The following TUBD1 variants were observed in gnomAD, a reference collection of about 807,000 sequenced individuals.
The protein encoded by TUBD1 is tubulin delta chain.
In TUBD1, 38 loss-of-function variants were observed where a neutral mutation model predicts 51.2. The observed-to-expected ratio is 0.74, with a 90% CI of 0.57 to 0.97. The LOEUF (loss-of-function observed/expected upper bound fraction) is 0.97, where lower values mean the gene tolerates loss of function less well. Ranked by LOEUF, TUBD1 falls within the 50% of genes least tolerant of loss-of-function variation. TUBD1 has a pLI of 0.00. For missense variants in TUBD1, 489 were observed against 538.4 expected (o/e 0.91, Z 0.91); for synonymous variants, 169 against 178.2 (o/e 0.95, Z 0.41).
intron 3 of TUBD1, chr17:59,885,697 T>A (rs778352035): frequency 5.0e-6 from 3 of 602,690 alleles, no homozygotes; most frequent in African/African-American, 1.9e-5. Context: ...TCTCTCAAAG[T>A]GAGCCCTAGG....
intron 2 of TUBD1, chr17:59,886,701 G>A (rs2040751531): frequency 6.6e-6 from 1 of 150,706 alleles, no homozygotes; most frequent in South Asian, 2.1e-4. Flanking sequence ...TGCTTATGAT[G>A]TGCCATGGAC....
At chr17:59,868,978 C>T (rs1157698099) in intron 6 of TUBD1, among the ~76,000 whole-genome samples, 1 of 151,838 alleles carries the variant, frequency 6.6e-6, no homozygotes, top group East Asian at 1.9e-4. Context: ...GATTGCGCCA[C>T]TGCACTCCAG....
At chr17:59,890,609 G>C (rs961958194) in intron 2 of TUBD1, among the ~76,000 whole-genome samples, 4 of 152,226 alleles carry the variant, frequency 2.6e-5, no homozygotes, top group Non-Finnish European at 2.9e-5. Context: ...CCAGTCAATA[G>C]ATGAGTTTTG....
intron 1 of TUBD1, 86 bp from the exon 2 acceptor site, chr17:59,891,127 TA>T (rs894091601): frequency 6.8e-5 from 50 of 740,396 alleles, no homozygotes; most frequent in South Asian, 1.2e-4. Context: ...TATACATCAA[TA>T]AAAAGTCTTT....
intron 7 of TUBD1, among the ~76,000 whole-genome samples, chr17:59,866,218 TC>T (rs1454308266): frequency 6.7e-6 from 1 of 149,498 alleles, no homozygotes; most frequent in East Asian, 2.0e-4. Flanking sequence ...AGCCAGATGT[TC>T]AGAAAACAAT....
intron 8 of TUBD1, among the ~76,000 whole-genome samples, chr17:59,860,696 A>G (rs1458727665): frequency 3.3e-5 from 5 of 150,828 alleles, no homozygotes. Context: ...AAGCGATTCG[A>G]CTACCTCAGC....
chr17:59,892,906 C>T lies in TUBD1; in HGVS notation c.-249G>A, dbSNP rs1339325943. 1 of 460,840 alleles carries T rather than the reference C, an allele frequency of 2.2e-6. No individual in the cohort carries two copies. The highest frequency in any genetic ancestry group is 4.0e-6 in the Non-Finnish European group (1 of 253,098). 28.5% of individuals were successfully genotyped at this position (460,840 alleles called of 1,614,324 possible). A position where few individuals can be genotyped will look rare whatever the true frequency, so the allele number is the denominator to read the frequency against. ...ATTTACGAACTTCAGATATGGTACG[C>T]ATGCTCACTGTCCACCGAACGCTCC... On this transcript the variant is annotated 5_prime_UTR_variant, in exon 1 of 9. The change abolishes an upstream ATG in the 5' untranslated region. Transcript: ENST00000325752.
chr17:59,876,885 A>G (rs62081830), intron 5 of TUBD1, among the ~76,000 whole-genome samples: 1 of 149,596 alleles, frequency 6.7e-6, no homozygotes, highest in Non-Finnish European at 1.5e-5. Context: ...TTTTTTTTAA[A>G]TGGAGTCTCG....
chr17:59,860,711 C>T lies in TUBD1; in HGVS notation c.1260-287G>A, dbSNP rs556703454. Among the ~76,000 whole-genome samples, 248 of 151,846 alleles carry T rather than the reference C, an allele frequency of 1.6e-3. 1 individual carries two copies. The highest frequency in any genetic ancestry group is 2.4e-3 in the Non-Finnish European group (162 of 68,000). ...AAGCGATTCGACTACCTCAGCCTCC[C>T]GAGTAGCTGGGATTACAGGAACGTG... On this transcript the variant is annotated intron_variant, in intron 8 of 8. Transcript: ENST00000325752.
intron 5 of TUBD1, among the ~76,000 whole-genome samples, chr17:59,877,122 C>T (rs976322546): frequency 3.3e-5 from 5 of 151,876 alleles, no homozygotes; most frequent in Non-Finnish European, 7.4e-5. Flanking sequence ...AGCCTCCCAA[C>T]GTGCTGGGAT....
intron 7 of TUBD1, 124 bp downstream of exon 7, chr17:59,866,485 C>T: frequency 2.4e-6 from 3 of 1,257,270 alleles, no homozygotes; most frequent in Non-Finnish European, 3.3e-6. Flanking sequence ...CAAATTTTGC[C>T]ACTAAAACAC....
chr17:59,871,289 TCC>T (rs1208041436), intron 6 of TUBD1, among the ~76,000 whole-genome samples: 2 of 152,074 alleles, frequency 1.3e-5, no homozygotes, highest in African/African-American at 4.8e-5. Flanking sequence ...TCCCTCTGCC[TCC>T]CAAGTTCAAG....
At chr17:59,866,231 C>CTTTTT (rs544961480) in intron 7 of TUBD1, among the ~76,000 whole-genome samples, 1 of 132,144 alleles carries the variant, frequency 7.6e-6, no homozygotes, top group Non-Finnish European at 1.7e-5. Flanking sequence ...GAAAACAATT[C>CTTTTT]TTTTTTTTTT....
In TUBD1 at chr17:59,885,466, C is replaced by T. The variant is rs1330620886; in HGVS notation, c.320+617G>A. On this transcript the variant is annotated intron_variant, in intron 3 of 8. Coordinates refer to ENST00000325752, the MANE Select transcript of TUBD1 (RefSeq NM_016261.4). ...GTACCCTGTCTACCAGCCCGTGGGA[C>T]CAAAGCAGTATCCTTACAATAATCT... 2.5e-6 allele frequency: 4 copies of T among 1,569,042 alleles called. No individual in the cohort carries two copies. In the African/African-American group the frequency reaches 4.1e-5, roughly 16 times the overall value.
chr17:59,861,235 G>A (rs1240228783), intron 8 of TUBD1, among the ~76,000 whole-genome samples: 1 of 147,428 alleles, frequency 6.8e-6, no homozygotes, highest in Non-Finnish European at 1.5e-5. Context: ...CTCTGTCTCT[G>A]TCACCCAGGA....
At chr17:59,875,644 C>G (rs1480434210) in intron 5 of TUBD1, among the ~76,000 whole-genome samples, 1 of 151,518 alleles carries the variant, frequency 6.6e-6, no homozygotes, top group Admixed American at 6.6e-5. Flanking sequence ...CCTGTAATCC[C>G]AGCTACTTGG....
chr17:59,880,296 ATTTT>A (rs1256647839), intron 4 of TUBD1, among the ~76,000 whole-genome samples: 1 of 150,114 alleles, frequency 6.7e-6, no homozygotes, highest in Non-Finnish European at 1.5e-5. Context: ...TGACCTCATG[ATTTT>A]TCCACCTTGG....
rs2039340622 is a variant in TUBD1 at position 59,859,574 on chromosome 17, T to G, written c.*748A>C. On this transcript the variant is annotated 3_prime_UTR_variant, in exon 9 of 9. Coordinates refer to ENST00000325752, the MANE Select transcript of TUBD1 (RefSeq NM_016261.4). The stretch of plus-strand genomic sequence containing the variant: ...AGTGGAAACTTGCCCTGTTACAGAA[T>G]ATTCAAAATACATGTTCACACTGTA... 6.6e-6 allele frequency: 1 copy of G among 152,636 alleles called. No individual in the cohort carries two copies. The highest frequency in any genetic ancestry group is 6.6e-5 in the Admixed American group (1 of 15,262). 9.5% of individuals were successfully genotyped at this position (152,636 alleles called of 1,614,324 possible). A position where few individuals can be genotyped will look rare whatever the true frequency, so the allele number is the denominator to read the frequency against.
intron 8 of TUBD1, among the ~76,000 whole-genome samples, chr17:59,861,533 G>A (rs1473110314): frequency 1.3e-5 from 2 of 152,032 alleles, no homozygotes; most frequent in African/African-American, 4.8e-5. Context: ...CAAAAATCAT[G>A]TGCAAAAAGA....
Sources: allele counts gnomAD v4.1 joint callset (sites outside exome capture counted in the v4.1 genomes callset), GRCh38; gene constraint gnomAD v4.1.1; transcripts MANE v1.5; gene names NCBI Gene and HGNC (gene_info 2026-07-23, HGNC 2026-07-21).